The following ARHGEF9 variants were observed in gnomAD, a reference collection of about 807,000 sequenced individuals.
ARHGEF9 encodes the protein Cdc42 guanine nucleotide exchange factor 9, also known as rho guanine nucleotide exchange factor 9.
ARHGEF9 carries 2 observed loss-of-function variants against 41.3 expected under a neutral mutation model. That is an observed-to-expected ratio of 0.05 (90% confidence interval 0.02 to 0.15). The LOEUF is 0.15. Ranked by LOEUF, ARHGEF9 falls within the 10% of genes least tolerant of loss-of-function variation. The probability of loss-of-function intolerance (pLI) is 1.00; values close to 1 mark genes in which losing one functional copy is unlikely to be tolerated. For synonymous variants in ARHGEF9, 160 were observed against 154.4 expected, an observed-to-expected ratio of 1.04 and a Z score of -0.27; for missense variants, 225 against 424.7, an observed-to-expected ratio of 0.53 and a Z score of 4.13.
chrX:63,783,593 A>G (rs1157406910), intron 1 of ARHGEF9, among the ~76,000 whole-genome samples: 1 of 111,586 alleles, frequency 9.0e-6, no homozygotes, highest in African/African-American at 3.3e-5. Flanking sequence ...ATCCTGAAGA[A>G]AGTCCTTTCC....
At chrX:63,748,116 C>A (rs1302731826) in intron 1 of ARHGEF9, among the ~76,000 whole-genome samples, 1 of 112,322 alleles carries the variant, frequency 8.9e-6, no homozygotes, top group Non-Finnish European at 1.9e-5. Context: ...TTCACATTAA[C>A]ACCCTGGTAG....
intron 8 of ARHGEF9, among the ~76,000 whole-genome samples, chrX:63,652,856 T>C (rs185269152): frequency 6.8e-4 from 76 of 110,967 alleles, no homozygotes; most frequent in African/African-American, 2.4e-3. Flanking sequence ...GCTGTTCTCA[T>C]GATAGTGGGT....
intron 2 of ARHGEF9, among the ~76,000 whole-genome samples, chrX:63,717,935 C>G (rs1189594370): frequency 2.7e-5 from 3 of 111,910 alleles, no homozygotes; most frequent in Non-Finnish European, 5.6e-5. Context: ...TACACCCTTC[C>G]CATGAGTAGA....
At chrX:63,744,345 A>G (rs1372587346) in intron 1 of ARHGEF9, among the ~76,000 whole-genome samples, 4 of 112,506 alleles carry the variant, frequency 3.6e-5, no homozygotes, top group African/African-American at 1.3e-4. Flanking sequence ...TTGCATGGCA[A>G]TGTTCTAATT....
chrX:63,644,556 G>T lies in ARHGEF9; in HGVS notation c.1322-508C>A, dbSNP rs782783976. ...TATACTTACTGTGGAAAGAATAAAA[G>T]GTCTTGCTAAGTCCCAGGCAGGATG... On this transcript the variant is annotated intron_variant, in intron 8 of 9. Transcript: ENST00000671741. Among the ~76,000 whole-genome samples, 297 of 109,904 alleles carry T rather than the reference G, an allele frequency of 2.7e-3. 1 individual carries two copies. The highest frequency in any genetic ancestry group is 9.6e-3 in the African/African-American group (290 of 30,336).
At position 63,635,298 on chromosome X, in the gene ARHGEF9, G is replaced by T. The variant is rs782360375; in HGVS notation, c.*2730C>A. The T allele has an allele frequency of 1.9e-6, 1 of 519,151 alleles. No individual in the cohort carries two copies. Among genetic ancestry groups the T allele is most frequent in the Non-Finnish European group, 3.5e-6 (1 of 284,662 alleles). 42.8% of individuals were successfully genotyped at this position (519,151 alleles called of 1,213,427 possible). On this transcript the variant is annotated 3_prime_UTR_variant, in exon 10 of 10. Coordinates refer to ENST00000671741, the MANE Select transcript of ARHGEF9 (RefSeq NM_001353921.2). ...ACACATAGAGAGGGGGGGAAAAAGA[G>T]AGAATAATTAGATGTCTGTCTTAGG... is the stretch of plus-strand genomic sequence containing the variant.
chrX:63,635,131 G>A lies in ARHGEF9; in HGVS notation c.*2897C>T. 2.6e-6 allele frequency: 1 copy of A among 388,000 alleles called. No individual in the cohort carries two copies. The highest frequency in any genetic ancestry group is 4.5e-6 in the Non-Finnish European group (1 of 223,349). The allele number at this position is 388,000 out of a possible 1,213,427, so 32.0% of individuals were successfully genotyped here. A position where few individuals can be genotyped will look rare whatever the true frequency, so the allele number is the denominator to read the frequency against. ...AGAATAAACTGGCAAATGCAGAGCA[G>A]CAAGGGTAATCAAAGTCACTGTTGC... On this transcript the variant is annotated 3_prime_UTR_variant, in exon 10 of 10. Coordinates refer to ENST00000671741, the MANE Select transcript of ARHGEF9 (RefSeq NM_001353921.2).
chrX:63,747,303 C>CT (rs1209657290), intron 1 of ARHGEF9, among the ~76,000 whole-genome samples: 7 of 110,571 alleles, frequency 6.3e-5, no homozygotes, highest in South Asian at 3.9e-4. Context: ...TAGGAACTGA[C>CT]TTTTTTTTTA....
At chrX:63,670,639 C>T (rs1473321060) in intron 6 of ARHGEF9, among the ~76,000 whole-genome samples, 2 of 111,633 alleles carry the variant, frequency 1.8e-5, no homozygotes, top group African/African-American at 6.5e-5. Context: ...ACAGCTCAAC[C>T]AAACCTCAGC....
At chrX:63,672,209 C>T (rs2050002935) in intron 6 of ARHGEF9, among the ~76,000 whole-genome samples, 1 of 110,776 alleles carries the variant, frequency 9.0e-6, no homozygotes, top group Admixed American at 9.6e-5. Context: ...GGGCCCTCAC[C>T]AGGCACTGAA....
chrX:63,648,124 G>T (rs782110951), intron 8 of ARHGEF9, among the ~76,000 whole-genome samples: 1 of 110,809 alleles, frequency 9.0e-6, no homozygotes, highest in Non-Finnish European at 1.9e-5. Flanking sequence ...TCCTCGAAAA[G>T]AGCAACTCCA....
intron 2 of ARHGEF9, among the ~76,000 whole-genome samples, chrX:63,719,060 A>T (rs185455218): frequency 8.9e-6 from 1 of 112,465 alleles, no homozygotes; most frequent in Admixed American, 9.4e-5. Context: ...GTGAGAAGCC[A>T]TTAAGATGGA....
intron 4 of ARHGEF9, among the ~76,000 whole-genome samples, chrX:63,687,172 C>T (rs2051038103): frequency 1.8e-5 from 2 of 111,849 alleles, no homozygotes; most frequent in African/African-American, 6.5e-5. Flanking sequence ...AGGAAGCACA[C>T]TTCATCAGTC....
chrX:63,647,779 T>C (rs1329613906), intron 8 of ARHGEF9, among the ~76,000 whole-genome samples: 1 of 111,423 alleles, frequency 9.0e-6, no homozygotes, highest in East Asian at 2.8e-4. Flanking sequence ...TCTTTTTCTA[T>C]TGATTGGAAT....
chrX:63,697,261 T>C lies in ARHGEF9; in HGVS notation c.446A>G (p.Asp149Gly). 8.3e-7 allele frequency: 1 copy of C among 1,210,850 alleles called. No individual in the cohort carries two copies. The part of the protein sequence containing the change: ...QCRKRRDMFS[D>G]EQLKVIFGNI... Reference sequence around the variant, plus strand: ...CCCAAAGATTACCTTCAGTTGCTCGTCACTGAACATGTCCCTTCTCTTCCG... The same window carrying C: ...CCCAAAGATTACCTTCAGTTGCTCGCCACTGAACATGTCCCTTCTCTTCCG... The change falls in exon 4 of 10, where the codon GAC becomes GGC. Residue 149 changes from aspartate to glycine, a missense_variant. Asp to Gly is a moderately conservative substitution (Grantham distance 94). This residue lies in a region of ARHGEF9 where 114 missense variants were observed against 197.9 expected (regional missense o/e 0.58). Transcript: ENST00000671741.
At chrX:63,774,207 G>C (rs1276698808) in intron 1 of ARHGEF9, among the ~76,000 whole-genome samples, 1 of 111,152 alleles carries the variant, frequency 9.0e-6, no homozygotes, top group South Asian at 3.8e-4. Context: ...GAGAGGTTTA[G>C]GATTCTGGCC....
intron 1 of ARHGEF9, chrX:63,731,972 G>A (rs1602611183): frequency 9.0e-6 from 1 of 111,650 alleles, no homozygotes; most frequent in African/African-American, 3.3e-5. Flanking sequence ...TGCAAAGGAC[G>A]GGGATGTCAT....
At chrX:63,755,083 G>C (rs2055880028) in intron 1 of ARHGEF9, 21 of 937,272 alleles carry the variant, frequency 2.2e-5, no homozygotes, top group Non-Finnish European at 2.8e-5. Context: ...ACACTCGTTC[G>C]ATCCCTGCCT....
In ARHGEF9 at chrX:63,635,335, C is replaced by G; in HGVS notation, c.*2693G>C. 1.9e-6 allele frequency: 1 copy of G among 522,487 alleles called. No homozygotes were observed. The highest frequency in any genetic ancestry group is 3.5e-6 in the Non-Finnish European group (1 of 285,955). 43.1% of individuals were successfully genotyped at this position (522,487 alleles called of 1,213,427 possible). On this transcript the variant is annotated 3_prime_UTR_variant, in exon 10 of 10. Coordinates refer to ENST00000671741, the MANE Select transcript of ARHGEF9 (RefSeq NM_001353921.2). The stretch of plus-strand genomic sequence containing the variant: ...ATGTCTGTCTTAGGACTCCCCACAG[C>G]AGGTCCCATTGAACACACTAGCAAA...
Sources: gnomAD v4.1 joint callset for allele counts (sites outside exome capture counted in the v4.1 genomes callset) on GRCh38, gnomAD v4.1.1 for gene constraint, gnomAD v4.1.1 regional missense constraint, MANE v1.5 for transcripts, NCBI Gene and HGNC (gene_info 2026-07-23, HGNC 2026-07-21) for gene names.